The following NIM1K variants were observed in gnomAD, a reference collection of about 807,000 sequenced individuals.
NIM1K encodes NIM1 serine/threonine protein kinase, also known as serine/threonine-protein kinase NIM1.
NIM1K carries 35 observed loss-of-function variants against 37.1 expected under a neutral mutation model. The ratio of observed to expected loss-of-function variants is 0.94; its 90% CI spans 0.72 to 1.25. The LOEUF is 1.25. NIM1K is among the 50% of genes most tolerant of loss of function. The pLI is 0.00. For missense variants in NIM1K, 564 were observed against 548.0 expected (o/e 1.03, Z -0.29); for synonymous variants, 234 against 206.6 (o/e 1.13, Z -1.14).
intron 1 of NIM1K, among the ~76,000 whole-genome samples, chr5:43,219,625 T>A (rs1184229208): frequency 6.6e-6 from 1 of 152,214 alleles, no homozygotes; most frequent in Non-Finnish European, 1.5e-5. Flanking sequence ...TTGAGTTGTG[T>A]TACTTACAGA....
In NIM1K at chr5:43,268,129, C is replaced by T. The variant is rs183202150; in HGVS notation, c.293-8928C>T. Among the ~76,000 whole-genome samples, 127 of 152,208 alleles carry T rather than the reference C, an allele frequency of 8.3e-4. 1 individual carries two copies. The highest frequency in any genetic ancestry group is 3.0e-3 in the African/African-American group (123 of 41,528). The stretch of plus-strand genomic sequence containing the variant: ...TAATTGTTTTATGAATTTTGGAGCT[C>T]CATAGTTAGGTACACATATATTTTG... On this transcript the variant is annotated intron_variant, in intron 2 of 3. Coordinates refer to ENST00000326035, the MANE Select transcript of NIM1K (RefSeq NM_153361.4).
intron 2 of NIM1K, among the ~76,000 whole-genome samples, chr5:43,270,789 G>A (rs550303090): frequency 1.9e-4 from 29 of 152,302 alleles, no homozygotes; most frequent in African/African-American, 6.5e-4. Context: ...CTGGGAGAGA[G>A]ACAGGGGAAC....
chr5:43,194,065 C>T (rs1295390480), intron 1 of NIM1K, among the ~76,000 whole-genome samples: 1 of 152,186 alleles, frequency 6.6e-6, no homozygotes, highest in East Asian at 1.9e-4. Context: ...ACACTGCCCT[C>T]CAGCAAGTTA....
chr5:43,235,142 T>G (rs536951402), intron 1 of NIM1K, among the ~76,000 whole-genome samples: 1 of 152,350 alleles, frequency 6.6e-6, no homozygotes, highest in South Asian at 2.1e-4. Flanking sequence ...TTTAAACATA[T>G]AGACAAGGGT....
rs897904165 is a variant in NIM1K at position 43,207,162 on chromosome 5, T to C, written c.-695+14751T>C. The C allele has an allele frequency of 6.8e-5, 50 of 734,458 alleles. No individual in the cohort carries two copies. The African/African-American group carries it at 8.5e-4, about 12-fold the overall frequency. The allele number at this position is 734,458 out of a possible 1,614,324, so 45.5% of individuals were successfully genotyped here. A position where few individuals can be genotyped will look rare whatever the true frequency, so the allele number is the denominator to read the frequency against. On this transcript the variant is annotated intron_variant, in intron 1 of 3. Transcript: ENST00000326035. ...ATAAAAATTCTACACTCGAAGCAGT[T>C]TGGAAATATTCTCATCCTGAGTGGG...
chr5:43,211,293 G>A (rs1380827355), intron 1 of NIM1K, among the ~76,000 whole-genome samples: 1 of 152,208 alleles, frequency 6.6e-6, no homozygotes, highest in African/African-American at 2.4e-5. Flanking sequence ...AGGGAACAGA[G>A]ATTAACTTGT....
chr5:43,265,787 C>T (rs932174134), intron 2 of NIM1K, among the ~76,000 whole-genome samples: 1 of 152,142 alleles, frequency 6.6e-6, no homozygotes. Flanking sequence ...ATGATGGTGA[C>T]CTACAGATGG....
At chr5:43,208,528 G>C (rs1054800870) in intron 1 of NIM1K, among the ~76,000 whole-genome samples, 1 of 152,018 alleles carries the variant, frequency 6.6e-6, no homozygotes, top group Non-Finnish European at 1.5e-5. Flanking sequence ...GCTTGAACCA[G>C]GAAGTGGAGG....
At chr5:43,222,644 G>GGATC (rs1476326764) in intron 1 of NIM1K, among the ~76,000 whole-genome samples, 1 of 151,944 alleles carries the variant, frequency 6.6e-6, no homozygotes, top group Non-Finnish European at 1.5e-5. Flanking sequence ...TGAGACTGAA[G>GGATC]GATCACTTTA....
chr5:43,233,890 CA>C (rs1444655187), intron 1 of NIM1K, among the ~76,000 whole-genome samples: 2 of 152,194 alleles, frequency 1.3e-5, no homozygotes, highest in African/African-American at 2.4e-5. Context: ...TGATTCCATT[CA>C]GTATCTTAAT....
intron 1 of NIM1K, among the ~76,000 whole-genome samples, chr5:43,237,646 C>A (rs12108783): frequency 0.37 from 56,572 of 151,992 alleles, 11,335 homozygotes; most frequent in East Asian, 0.68. Context: ...AGCAACCCCA[C>A]AACCTGTGCT....
intron 1 of NIM1K, chr5:43,207,338 A>G (rs1752132563): frequency 1.4e-5 from 11 of 772,404 alleles, no homozygotes; most frequent in Middle Eastern, 3.5e-4. Flanking sequence ...GATGGTCACT[A>G]TGGTAGAGCT....
rs1752274310 is a variant in NIM1K at position 43,214,791 on chromosome 5, G to A, written c.-695+22380G>A. On this transcript the variant is annotated intron_variant, in intron 1 of 3. Transcript: ENST00000326035. ...AGATCGCGCCACTGCACTCCAGCCTGGGCTAGAGCAAGACTCCGTCTCAAA... is the reference window on the plus strand; with the variant it reads ...AGATCGCGCCACTGCACTCCAGCCTAGGCTAGAGCAAGACTCCGTCTCAAA... Among the ~76,000 whole-genome samples, 3 of 142,636 alleles carry A rather than the reference G, an allele frequency of 2.1e-5. No individual in the cohort carries two copies. The South Asian group carries it at 6.8e-4, about 32-fold the overall frequency. 93.6% of individuals were successfully genotyped at this position (142,636 alleles called of 152,430 possible). A position where few individuals can be genotyped will look rare whatever the true frequency, so the allele number is the denominator to read the frequency against.
chr5:43,243,616 G>C (rs1409456498), intron 1 of NIM1K, among the ~76,000 whole-genome samples: 2 of 152,126 alleles, frequency 1.3e-5, no homozygotes, highest in African/African-American at 4.8e-5. Flanking sequence ...AAAGGAAGAA[G>C]AATCAGTGAC....
At chr5:43,226,070 A>C (rs1414215936) in intron 1 of NIM1K, among the ~76,000 whole-genome samples, 1 of 152,220 alleles carries the variant, frequency 6.6e-6, no homozygotes, top group East Asian at 1.9e-4. Flanking sequence ...TGGTGCCTTC[A>C]AGTAAGAGTG....
chr5:43,264,719 T>A (rs982880075), intron 2 of NIM1K, among the ~76,000 whole-genome samples: 1 of 152,236 alleles, frequency 6.6e-6, no homozygotes, highest in Non-Finnish European at 1.5e-5. Context: ...CTAGCATCGA[T>A]GGTCTTTACA....
At chr5:43,266,381 G>C (rs992590927) in intron 2 of NIM1K, among the ~76,000 whole-genome samples, 1 of 152,218 alleles carries the variant, frequency 6.6e-6, no homozygotes, top group African/African-American at 2.4e-5. Context: ...TGCTGTGCTA[G>C]CAGTGAGTGA....
At chr5:43,225,467 G>C (rs1752441973) in intron 1 of NIM1K, 1 of 152,014 alleles carries the variant, frequency 6.6e-6, no homozygotes, top group South Asian at 2.1e-4. Context: ...TTCATGAAAA[G>C]TCCCATGTTT....
chr5:43,210,597 A>G (rs1177670918), intron 1 of NIM1K, among the ~76,000 whole-genome samples: 6 of 152,160 alleles, frequency 3.9e-5, no homozygotes. Context: ...TCAGCGGGGT[A>G]TGGGTTGAGG....
Sources: gnomAD v4.1 joint callset for allele counts (sites outside exome capture counted in the v4.1 genomes callset) on GRCh38, gnomAD v4.1.1 for gene constraint, MANE v1.5 for transcripts, NCBI Gene and HGNC (gene_info 2026-07-23, HGNC 2026-07-21) for gene names.